The following LRRCC1 variants were observed in gnomAD, a reference collection of about 807,000 sequenced individuals.
LRRCC1 encodes leucine rich repeat and coiled-coil centrosomal protein 1.
LRRCC1 carries 115 observed loss-of-function variants against 126.0 expected under a neutral mutation model. That is an observed-to-expected ratio of 0.91 (90% CI 0.78 to 1.07). The LOEUF (loss-of-function observed/expected upper bound fraction) is 1.07, where lower values mean the gene tolerates loss of function less well. Among genes scored for constraint, LRRCC1 ranks in the 50% least tolerant of loss-of-function variants. The pLI is 0.00. For synonymous variants in LRRCC1, 400 were observed against 393.4 expected (o/e 1.02, Z -0.20); for missense variants, 1,172 against 1,175.7 (o/e 1.00, Z 0.05).
chr8:85,137,931 T>C, intron 15 of LRRCC1, 104 bp from the exon 16 acceptor site: 1 of 628,556 alleles, frequency 1.6e-6, no homozygotes. Context: ...ACATTTTATA[T>C]GTTTAAAATA....
intron 18 of LRRCC1, among the ~76,000 whole-genome samples, chr8:85,144,719 C>G (rs1811541464): frequency 6.9e-6 from 1 of 144,422 alleles, no homozygotes; most frequent in African/African-American, 2.5e-5. Flanking sequence ...CCACTTCGGC[C>G]TCCCAAAGTG....
intron 18 of LRRCC1, among the ~76,000 whole-genome samples, chr8:85,141,810 T>C (rs987279595): frequency 1.3e-5 from 2 of 152,220 alleles, no homozygotes; most frequent in Non-Finnish European, 2.9e-5. Flanking sequence ...TAGGAGTCTC[T>C]TTGGTTACAC....
Position 85,135,800 on chromosome 8 carries a change from C to T in LRRCC1, c.2166C>T (p.Asn722=), listed in dbSNP as rs867885869. The T allele has an allele frequency of 3.9e-6, 6 of 1,521,032 alleles. No individual in the cohort carries two copies. The highest frequency in any genetic ancestry group is 4.4e-6 in the Non-Finnish European group (5 of 1,133,382). The allele number at this position is 1,521,032 out of a possible 1,614,324, so 94.2% of individuals were successfully genotyped here. Residue 722 remains asparagine, a synonymous_variant, in exon 14 of 19, where the codon AAC becomes AAT. Transcript: ENST00000360375. ...TTGGGAATATACAGAATCAAATCAACACCCTTGAAATTTTAATTGAAGATG... is the reference window on the plus strand; with the variant it reads ...TTGGGAATATACAGAATCAAATCAATACCCTTGAAATTTTAATTGAAGATG... The part of the protein sequence containing the change: ...ETAANLQNQI[N]TLEILIEDDK...
At chr8:85,113,204 A>G (rs1315191482) in intron 4 of LRRCC1, 105 bp downstream of exon 4, 13 of 783,228 alleles carry the variant, frequency 1.7e-5, no homozygotes, top group Non-Finnish European at 2.7e-5. Context: ...CAGCTTTGCA[A>G]CATTTTCTAT....
Position 85,123,594 on chromosome 8 carries a change from A to G in LRRCC1, c.1112A>G (p.Asn371Ser), listed in dbSNP as rs1809739748. Residue 371 changes from asparagine to serine, a missense_variant, in exon 7 of 19, where the codon AAC (asparagine) becomes AGC (serine). By Grantham distance (46) the Asn-to-Ser change is conservative. Transcript: ENST00000360375. ...ATTAAGCACCACAATAAAAACTACAACTCTTTTGTAAGGTACTTGTTTTAG... is the reference window on the plus strand; with the variant it reads ...ATTAAGCACCACAATAAAAACTACAGCTCTTTTGTAAGGTACTTGTTTTAG... ...QTIKHHNKNY[N>S]SFVSCNRKMK... The G allele has an allele frequency of 1.3e-5, 21 of 1,572,636 alleles. No individual in the cohort carries two copies. The highest frequency in any genetic ancestry group is 1.5e-5 in the Non-Finnish European group (17 of 1,167,034).
intron 14 of LRRCC1, 28 bp downstream of exon 14, chr8:85,135,991 A>G (rs755374950): frequency 1.9e-5 from 29 of 1,517,156 alleles, no homozygotes; most frequent in Non-Finnish European, 2.2e-5. Context: ...TCAAAGGGAA[A>G]ATAGCTTATT....
intron 3 of LRRCC1, among the ~76,000 whole-genome samples, chr8:85,110,486 A>G (rs917850150): frequency 6.6e-5 from 10 of 152,234 alleles, no homozygotes; most frequent in Non-Finnish European, 1.5e-4. Context: ...AGAGAAGAAT[A>G]GTTCCAATAG....
At chr8:85,139,711 C>G (rs1270796625) in intron 17 of LRRCC1, among the ~76,000 whole-genome samples, 1 of 152,178 alleles carries the variant, frequency 6.6e-6, no homozygotes, top group Non-Finnish European at 1.5e-5. Flanking sequence ...AAAGTTGGAA[C>G]CTTCAGAATT....
chr8:85,144,444 G>A (rs202051319), intron 18 of LRRCC1, among the ~76,000 whole-genome samples: 3,080 of 114,426 alleles, frequency 0.027, 62 homozygotes, highest in East Asian at 0.1. Context: ...GTGTGTGTGT[G>A]TATATATATA....
At chr8:85,116,919 G>T (rs934958232) in intron 6 of LRRCC1, among the ~76,000 whole-genome samples, 1 of 152,180 alleles carries the variant, frequency 6.6e-6, no homozygotes, top group African/African-American at 2.4e-5. Flanking sequence ...TAAGGAGATA[G>T]TAATAGAAGT....
In LRRCC1 at chr8:85,109,678, A is replaced by G. The variant is rs200588342; in HGVS notation, c.188A>G (p.His63Arg). The G allele has an allele frequency of 1.3e-3, 2,169 of 1,610,276 alleles. No homozygotes were observed. Among genetic ancestry groups the G allele is most frequent in the Non-Finnish European group, 1.7e-3 (2,036 of 1,176,818 alleles). The change falls in exon 2 of 19, where the codon CAT becomes CGT. Residue 63 changes from histidine to arginine, a missense_variant. By Grantham distance (29) the His-to-Arg change is conservative. Transcript: ENST00000360375. ...ATCTCCAAGATCGAAGCCATTGATCATATTTGGAATTTACAACATCTAGAT... is the reference window on the plus strand; with the variant it reads ...ATCTCCAAGATCGAAGCCATTGATCGTATTTGGAATTTACAACATCTAGAT... ...NNISKIEAID[H>R]IWNLQHLDLS...
Position 85,110,125 on chromosome 8 carries a change from A to G in LRRCC1, c.321A>G (p.Glu107=). ...ACTTTTTTTTTTTAGGACTTGAAGA[A>G]CTAATTAATCTGACTAGACTAAATG... ...NLITKVEGLE[E]LINLTRLNVS... is the part of the protein sequence containing the mutation. The change falls in exon 3 of 19, where the codon GAA becomes GAG. Residue 107 remains glutamate, a synonymous_variant. Coordinates refer to ENST00000360375, the MANE Select transcript of LRRCC1 (RefSeq NM_033402.5). 4 of 1,270,242 alleles carry G rather than the reference A, an allele frequency of 3.1e-6. No individual in the cohort carries two copies. In the South Asian group the frequency reaches 5.8e-5, roughly 18 times the overall value. 78.7% of individuals were successfully genotyped at this position (1,270,242 alleles called of 1,614,324 possible).
chr8:85,132,375 C>CTTTTTTTTTTTTTTTTTTTTTTTT (rs551423793), intron 12 of LRRCC1, among the ~76,000 whole-genome samples: 1 of 109,958 alleles, frequency 9.1e-6, no homozygotes, highest in Non-Finnish European at 1.8e-5. Flanking sequence ...TGAGTACTTT[C>CTTTTTTTTTTTTTTTTTTTTTTTT]TTTTTTTTTT....
chr8:85,141,653 C>T (rs1329364785), intron 18 of LRRCC1, 136 bp downstream of exon 18: 1 of 640,318 alleles, frequency 1.6e-6, no homozygotes, highest in Non-Finnish European at 2.5e-6. Context: ...GTTACCAAAA[C>T]TATCCTAAAA....
At position 85,107,309 on chromosome 8, in the gene LRRCC1, C is replaced by A. The variant is rs200933031; in HGVS notation, c.14C>A (p.Ala5Glu). The A allele has an allele frequency of 8.5e-4, 1,376 of 1,611,712 alleles. 8 individuals are homozygous for A. The African/African-American group carries it at 0.014, about 17-fold the overall frequency. The change falls in exon 1 of 19, where the codon GCG (alanine) becomes GAG (glutamate). Residue 5 changes from alanine (A) to glutamate (E), a missense_variant. Ala to Glu is a moderately radical substitution (Grantham distance 107). Coordinates refer to ENST00000360375, the MANE Select transcript of LRRCC1 (RefSeq NM_033402.5). ...GTCGCCAGTGCTATGGAGGCGGCGG[C>A]GGCGGTGGTGGCGGCAGAGGCGGAA... MEAA[A>E]AVVAAEAEVE...
chr8:85,142,541 A>G (rs1811324402), intron 18 of LRRCC1, among the ~76,000 whole-genome samples: 1 of 152,142 alleles, frequency 6.6e-6, no homozygotes. Flanking sequence ...AATGCTCCAT[A>G]TAGAAATTAT....
In LRRCC1 at chr8:85,138,021, T is replaced by A; in HGVS notation, c.2494-14T>A. 6.9e-7 allele frequency: 1 copy of A among 1,442,122 alleles called. No individual in the cohort carries two copies. Among genetic ancestry groups the A allele is most frequent in the Non-Finnish European group, 9.4e-7 (1 of 1,067,310 alleles). The allele number at this position is 1,442,122 out of a possible 1,614,324, so 89.3% of individuals were successfully genotyped here. A position where few individuals can be genotyped will look rare whatever the true frequency, so the allele number is the denominator to read the frequency against. Reference sequence around the variant, plus strand: ...AAAGTTAATAAAAACAAAGTGCCAATTTTTTTCTTAAAGTGTTTACAAGAA... The same window carrying A: ...AAAGTTAATAAAAACAAAGTGCCAAATTTTTTCTTAAAGTGTTTACAAGAA... On this transcript the variant is annotated splice_polypyrimidine_tract_variant and intron_variant, in intron 15 of 18. Coordinates refer to ENST00000360375, the MANE Select transcript of LRRCC1 (RefSeq NM_033402.5).
At chr8:85,138,722 G>A (rs1227834997) in intron 17 of LRRCC1, among the ~76,000 whole-genome samples, 1 of 152,128 alleles carries the variant, frequency 6.6e-6, no homozygotes, top group South Asian at 2.1e-4. Flanking sequence ...GAATTATCTA[G>A]TTCTTAGAAC....
intron 18 of LRRCC1, among the ~76,000 whole-genome samples, chr8:85,144,444 G>GTGTGTA (rs1234016200): frequency 7.8e-5 from 9 of 114,932 alleles, no homozygotes; most frequent in Non-Finnish European, 1.2e-4. Flanking sequence ...GTGTGTGTGT[G>GTGTGTA]TATATATATA....
Sources: allele counts gnomAD v4.1 joint callset (sites outside exome capture counted in the v4.1 genomes callset), GRCh38; gene constraint gnomAD v4.1.1; transcripts MANE v1.5; gene names NCBI Gene and HGNC (gene_info 2026-07-23, HGNC 2026-07-21).